GPC5: variants seen among roughly 807,000 people sequenced by gnomAD.
The protein encoded by GPC5 is glypican 5.
A neutral mutation model predicts 53.9 loss-of-function variants in GPC5; 47 were observed. The observed-to-expected ratio is 0.87, with a 90% CI of 0.69 to 1.11. The LOEUF (loss-of-function observed/expected upper bound fraction) is 1.11, where lower values mean the gene tolerates loss of function less well. Among genes scored for constraint, GPC5 ranks in the 50% most tolerant of loss-of-function variants. The probability of loss-of-function intolerance (pLI) is 0.00; values close to 1 mark genes in which losing one functional copy is unlikely to be tolerated. For missense variants in GPC5, 748 were observed against 713.1 expected (o/e 1.05, Z -0.56); for synonymous variants, 286 against 263.3 (o/e 1.09, Z -0.84).
intron 2 of GPC5, among the ~76,000 whole-genome samples, chr13:91,636,024 C>T (rs1402998403): frequency 6.6e-6 from 1 of 151,646 alleles, no homozygotes; most frequent in Non-Finnish European, 1.5e-5. Context: ...TGGTTGTTGC[C>T]GTTGGATCTA....
At chr13:92,395,889 G>A (rs1875245226) in intron 7 of GPC5, among the ~76,000 whole-genome samples, 1 of 148,850 alleles carries the variant, frequency 6.7e-6, no homozygotes, top group Non-Finnish European at 1.5e-5. Context: ...AATATCATAT[G>A]TGTAGGTGTT....
rs114024213 is a variant in GPC5, at chr13:91,585,803, G to A, written c.326-107384G>A. 6.2e-3 allele frequency among the ~76,000 whole-genome samples: 947 copies of A among 152,186 alleles called. 8 individuals are homozygous for A. Among genetic ancestry groups the A allele is most frequent in the African/African-American group, 0.022 (902 of 41,516 alleles). ...GCTCTGTGTATTAACTTCTGTCTAC[G>A]TCTTCTGAGGTTTTCTCTTTTCATT... On this transcript the variant is annotated intron_variant, in intron 2 of 7. Transcript: ENST00000377067.
intron 5 of GPC5, among the ~76,000 whole-genome samples, chr13:91,886,479 C>T (rs990960312): frequency 3.3e-5 from 5 of 152,134 alleles, no homozygotes; most frequent in African/African-American, 9.7e-5. Context: ...GTCTTCCCAA[C>T]GTCCCCCAAA....
At chr13:91,892,982 C>A (rs2138971962) in intron 5 of GPC5, among the ~76,000 whole-genome samples, 1 of 151,934 alleles carries the variant, frequency 6.6e-6, no homozygotes, top group South Asian at 2.1e-4. Flanking sequence ...GAAGTTTTTT[C>A]TCTGTTAACC....
intron 2 of GPC5, among the ~76,000 whole-genome samples, chr13:91,600,305 CAGAGAGAGAGAGAGAGAG>C (rs67108031): frequency 0.49 from 71,184 of 146,526 alleles, 20,666 homozygotes; most frequent in East Asian, 0.67. Flanking sequence ...GTTCATTTTA[CAGAGAGAGAGAGAGAGAG>C]AGAGAGAGAG....
At position 91,618,904 on chromosome 13, in the gene GPC5, T is replaced by C. The variant is rs573195529; in HGVS notation, c.326-74283T>C. Among the ~76,000 whole-genome samples the C allele has an allele frequency of 5.9e-5, 9 of 152,196 alleles. No homozygotes were observed. The East Asian group carries it at 9.7e-4, about 16-fold the overall frequency. On this transcript the variant is annotated intron_variant, in intron 2 of 7. Coordinates refer to ENST00000377067, the MANE Select transcript of GPC5 (RefSeq NM_004466.6). ...CAAGGCCTATATTTAAAGCATCTGG[T>C]ATATAGCAAAACAAACAAATAAAAA...
chr13:92,710,354 A>C (rs1261213583), intron 7 of GPC5, among the ~76,000 whole-genome samples: 1 of 152,228 alleles, frequency 6.6e-6, no homozygotes, highest in African/African-American at 2.4e-5. Flanking sequence ...TACCATCCTA[A>C]TGTGACAGAG....
At chr13:92,165,449 T>G (rs569008887) in intron 7 of GPC5, among the ~76,000 whole-genome samples, 68 of 152,294 alleles carry the variant, frequency 4.5e-4, no homozygotes, top group African/African-American at 1.5e-3. Context: ...CAGTTCCACA[T>G]GGCTGGGGAG....
chr13:92,269,303 T>C (rs2042823884), intron 7 of GPC5, among the ~76,000 whole-genome samples: 1 of 152,234 alleles, frequency 6.6e-6, no homozygotes, highest in Non-Finnish European at 1.5e-5. Flanking sequence ...TTTACTTCTG[T>C]ATGCTATTAG....
At chr13:91,809,480 C>T (rs746208110) in intron 5 of GPC5, among the ~76,000 whole-genome samples, 2 of 152,052 alleles carry the variant, frequency 1.3e-5, no homozygotes, top group Non-Finnish European at 2.9e-5. Flanking sequence ...CTCTGGCTGA[C>T]GTTTGACTTG....
Position 91,448,958 on chromosome 13 carries a change from C to T in GPC5, c.325+36C>T, listed in dbSNP as rs1427268109. The T allele has an allele frequency of 3.8e-6, 6 of 1,597,286 alleles. No individual in the cohort carries two copies. In the South Asian group the frequency reaches 4.5e-5, roughly 12 times the overall value. On this transcript the variant is annotated intron_variant, in intron 2 of 7. Transcript: ENST00000377067. ...CTTGAATTCTGCAACTAAGGACTGG[C>T]CGTGTTATGTAATTTGCCTAAGATA...
At chr13:92,629,481 G>A (rs1392407982) in intron 7 of GPC5, among the ~76,000 whole-genome samples, 3 of 152,058 alleles carry the variant, frequency 2.0e-5, no homozygotes, top group Admixed American at 6.6e-5. Context: ...GCATTTACCT[G>A]TACATTATAA....
intron 5 of GPC5, among the ~76,000 whole-genome samples, chr13:91,770,186 C>A (rs1026574167): frequency 5.3e-5 from 8 of 152,110 alleles, no homozygotes; most frequent in African/African-American, 1.7e-4. Flanking sequence ...ATACACTGGG[C>A]AAGCAATGGA....
At chr13:92,226,924 G>T (rs1218954279) in intron 7 of GPC5, among the ~76,000 whole-genome samples, 1 of 152,134 alleles carries the variant, frequency 6.6e-6, no homozygotes, top group Non-Finnish European at 1.5e-5. Context: ...TTTAATAGAA[G>T]TAACCCGTAT....
At chr13:91,734,261 T>C (rs1463260096) in intron 4 of GPC5, among the ~76,000 whole-genome samples, 2 of 151,398 alleles carry the variant, frequency 1.3e-5, no homozygotes, top group Non-Finnish European at 2.9e-5. Flanking sequence ...ATATTGATGT[T>C]CATCAGGGAT....
chr13:91,489,991 G>A (rs534320720), intron 2 of GPC5, among the ~76,000 whole-genome samples: 16 of 152,084 alleles, frequency 1.1e-4, no homozygotes, highest in Non-Finnish European at 1.9e-4. Context: ...GAGTCACCTA[G>A]GTTGCACCTA....
At chr13:92,365,887 T>C (rs75586715) in intron 7 of GPC5, among the ~76,000 whole-genome samples, 4,394 of 151,454 alleles carry the variant, frequency 0.029, 355 homozygotes, top group African/African-American at 0.1. Context: ...GGCTGTTTTA[T>C]AGTTATCTTA....
intron 7 of GPC5, among the ~76,000 whole-genome samples, chr13:92,670,967 T>C (rs1287223274): frequency 6.6e-6 from 1 of 152,160 alleles, no homozygotes; most frequent in Non-Finnish European, 1.5e-5. Flanking sequence ...CTACGATCCA[T>C]CAAATTTTCC....
At chr13:91,446,456 G>A (rs1462521674) in intron 1 of GPC5, among the ~76,000 whole-genome samples, 1 of 152,156 alleles carries the variant, frequency 6.6e-6, no homozygotes, top group Non-Finnish European at 1.5e-5. Context: ...TGTCACTCCA[G>A]AGCCTGGGTT....
Sources: gnomAD v4.1 joint callset for allele counts (sites outside exome capture counted in the v4.1 genomes callset) on GRCh38, gnomAD v4.1.1 for gene constraint, MANE v1.5 for transcripts, NCBI Gene and HGNC (gene_info 2026-07-23, HGNC 2026-07-21) for gene names.